The following GRID1 variants were observed in gnomAD, a reference collection of about 807,000 sequenced individuals.
The protein encoded by GRID1 is glutamate receptor ionotropic, delta-1.
In GRID1, 28 loss-of-function variants were observed where a neutral mutation model predicts 98.0. The observed-to-expected ratio is 0.29, with a 90% CI of 0.21 to 0.39. GRID1 has a LOEUF of 0.39. GRID1 is among the 10% of genes least tolerant of loss of function. The pLI, the probability that GRID1 is intolerant of heterozygous loss-of-function variation, is 1.00. For missense variants in GRID1, 1,111 were observed against 1,340.5 expected, an observed-to-expected ratio of 0.83 and a Z score of 2.67; for synonymous variants, 553 against 538.5, an observed-to-expected ratio of 1.03 and a Z score of -0.37.
chr10:85,829,869 T>C (rs1842852194), intron 8 of GRID1, among the ~76,000 whole-genome samples: 3 of 151,786 alleles, frequency 2.0e-5, no homozygotes, highest in African/African-American at 7.2e-5. Flanking sequence ...AAAATGGCCA[T>C]ACTGATGCCA....
chr10:86,245,300 G>T (rs755709618), intron 2 of GRID1, among the ~76,000 whole-genome samples: 1 of 152,218 alleles, frequency 6.6e-6, no homozygotes, highest in Non-Finnish European at 1.5e-5. Flanking sequence ...GTGGCCTGGG[G>T]AAGTTAGGAA....
intron 15 of GRID1, among the ~76,000 whole-genome samples, chr10:85,604,315 T>C (rs998037900): frequency 2.6e-5 from 4 of 152,144 alleles, no homozygotes; most frequent in Non-Finnish European, 5.9e-5. Flanking sequence ...ACAACACCCA[T>C]AGGACAACTG....
At chr10:85,626,105 G>T (rs944927356) in intron 13 of GRID1, among the ~76,000 whole-genome samples, 11 of 152,248 alleles carry the variant, frequency 7.2e-5, no homozygotes, top group African/African-American at 2.4e-4. Flanking sequence ...TGCCTGTAGT[G>T]CCAGGTGCAG....
At chr10:85,692,334 A>G (rs1169222939) in intron 12 of GRID1, among the ~76,000 whole-genome samples, 3 of 152,172 alleles carry the variant, frequency 2.0e-5, no homozygotes, top group Non-Finnish European at 4.4e-5. Flanking sequence ...ATAAATGAAG[A>G]GTAAAAATTC....
At chr10:86,099,756 C>T (rs1342847497) in intron 4 of GRID1, among the ~76,000 whole-genome samples, 1 of 152,190 alleles carries the variant, frequency 6.6e-6, no homozygotes, top group Non-Finnish European at 1.5e-5. Context: ...GCCATCTGTC[C>T]ATCCTCAGGG....
intron 3 of GRID1, among the ~76,000 whole-genome samples, chr10:86,187,708 C>T (rs558181090): frequency 6.6e-6 from 1 of 152,336 alleles, no homozygotes; most frequent in East Asian, 1.9e-4. Context: ...AGGCATCACG[C>T]CTGCTCAGGC....
At chr10:86,053,426 T>C (rs1843529779) in intron 4 of GRID1, among the ~76,000 whole-genome samples, 1 of 151,996 alleles carries the variant, frequency 6.6e-6, no homozygotes, top group East Asian at 1.9e-4. Flanking sequence ...GGCGCAATCT[T>C]GGCTCACTGC....
chr10:85,885,349 C>G, intron 5 of GRID1, among the ~76,000 whole-genome samples: 1 of 152,274 alleles, frequency 6.6e-6, no homozygotes, highest in African/African-American at 2.4e-5. Flanking sequence ...TATATTCAGC[C>G]AGGGTATATG....
chr10:85,622,071 G>C (rs75739756), intron 13 of GRID1, among the ~76,000 whole-genome samples: 59 of 152,172 alleles, frequency 3.9e-4, no homozygotes, highest in Non-Finnish European at 7.5e-4. Flanking sequence ...GGCTTAGAGA[G>C]AATGGAAAGG....
In GRID1 at chr10:85,630,490, T is replaced by C. The variant is rs187188713; in HGVS notation, c.2194-10457A>G. 9.1e-4 allele frequency among the ~76,000 whole-genome samples: 138 copies of C among 152,294 alleles called. 1 individual carries two copies. Among genetic ancestry groups the C allele is most frequent in the African/African-American group, 2.5e-3 (102 of 41,550 alleles). ...AACAACGCGAGTGCCTTGGAATAAA[T>C]AGCACGTGAAATTGTCCTCAACCAT... is the stretch of plus-strand genomic sequence containing the variant. On this transcript the variant is annotated intron_variant, in intron 13 of 15. Transcript: ENST00000327946.
intron 12 of GRID1, among the ~76,000 whole-genome samples, chr10:85,692,085 A>G (rs1841339991): frequency 6.6e-6 from 1 of 152,010 alleles, no homozygotes; most frequent in Admixed American, 6.6e-5. Context: ...CTTTCTCTCT[A>G]CATCTATTCT....
In GRID1 at chr10:86,225,206, A is replaced by G. The variant is rs536549825; in HGVS notation, c.236-18558T>C. On this transcript the variant is annotated intron_variant, in intron 2 of 15. Transcript: ENST00000327946. ...CCCCTCCCAGGCCGGTGGGGAGCTG[A>G]ATAGCTCAGTGACTTGTCCAGGAGC... 2.6e-5 allele frequency among the ~76,000 whole-genome samples: 4 copies of G among 152,276 alleles called. No homozygotes were observed. In the East Asian group the frequency reaches 7.7e-4, roughly 29 times the overall value.
At chr10:85,910,182 G>T (rs1841518084) in intron 5 of GRID1, among the ~76,000 whole-genome samples, 1 of 152,104 alleles carries the variant, frequency 6.6e-6, no homozygotes, top group Non-Finnish European at 1.5e-5. Flanking sequence ...TTTGAAGATG[G>T]TAAATGGTAT....
intron 2 of GRID1, among the ~76,000 whole-genome samples, chr10:86,305,610 G>C (rs1256033735): frequency 6.6e-6 from 1 of 152,158 alleles, no homozygotes. Flanking sequence ...TCTGCATGCA[G>C]ACATTTCTCG....
chr10:85,901,758 C>G (rs77508767), intron 5 of GRID1, among the ~76,000 whole-genome samples: 5,888 of 152,220 alleles, frequency 0.039, 161 homozygotes, highest in Middle Eastern at 0.092. Context: ...AATGGTATGT[C>G]ACTTCTTCCT....
At chr10:86,351,115 T>C (rs1319505111) in intron 2 of GRID1, among the ~76,000 whole-genome samples, 1 of 152,252 alleles carries the variant, frequency 6.6e-6, no homozygotes, top group Admixed American at 6.5e-5. Context: ...TGCATTCCTT[T>C]ACCCAGTGAG....
At chr10:85,688,374 AT>A (rs543465667) in intron 12 of GRID1, among the ~76,000 whole-genome samples, 84 of 152,262 alleles carry the variant, frequency 5.5e-4, no homozygotes, top group Non-Finnish European at 1.0e-3. Context: ...TATTGGGTGA[AT>A]TTTTTAAAAA....
intron 2 of GRID1, among the ~76,000 whole-genome samples, chr10:86,321,099 C>CAA (rs71487246): frequency 4.5e-5 from 4 of 89,704 alleles, no homozygotes; most frequent in Admixed American, 2.6e-4. Flanking sequence ...GACTCCATCT[C>CAA]AAAAAAAAAA....
At chr10:86,010,345 G>A (rs1325709095) in intron 4 of GRID1, among the ~76,000 whole-genome samples, 1 of 152,072 alleles carries the variant, frequency 6.6e-6, no homozygotes, top group Non-Finnish European at 1.5e-5. Flanking sequence ...CATTTTCTTG[G>A]GGCCTACTTC....
Sources: gnomAD v4.1 joint callset for allele counts (sites outside exome capture counted in the v4.1 genomes callset) on GRCh38, gnomAD v4.1.1 for gene constraint, MANE v1.5 for transcripts, NCBI Gene and HGNC (gene_info 2026-07-23, HGNC 2026-07-21) for gene names.